Variants in ABCA2 observed in about 807,000 individuals in gnomAD.
ABCA2 encodes the protein ATP binding cassette subfamily A member 2.
In ABCA2, 84 loss-of-function variants were observed where a neutral mutation model predicts 262.8. That is an observed-to-expected ratio of 0.32 (90% CI 0.27 to 0.38). The LOEUF is 0.38. ABCA2 is among the 10% of genes least tolerant of loss of function. The pLI, the probability that ABCA2 is intolerant of heterozygous loss-of-function variation, is 1.00. For synonymous variants in ABCA2, 1,696 were observed against 1,502.9 expected (o/e 1.13, Z -2.97); for missense variants, 2,662 against 3,405.9 (o/e 0.78, Z 5.44).
Position 137,017,548 on chromosome 9 carries a change from T to C in ABCA2, c.2356A>G (p.Ile786Val), listed in dbSNP as rs753574440. 1.2e-6 allele frequency: 2 copies of C among 1,611,810 alleles called. No individual in the cohort carries two copies. The highest frequency in any genetic ancestry group is 1.7e-6 in the Non-Finnish European group (2 of 1,179,172). The change falls in exon 17 of 49, where the codon ATC becomes GTC. Residue 786 changes from isoleucine (I) to valine (V), a missense_variant. Coordinates refer to ENST00000341511, the MANE Select transcript of ABCA2 (RefSeq NM_001606.5). ...QVLMHSHVVI[I>V]WLFLAVYAVA... ...GCGTAGACTGCCAGGAAGAGCCAGA[T>C]GATGACCACGTGGCTGTGCATAAGC...
chr9:137,013,490 G>A lies in ABCA2; in HGVS notation c.4521C>T (p.Pro1507=), dbSNP rs750511784. ...ACTCGCGGCGCTCCTCGTTGGCGTA[G>A]GGGATGAAATTGCCACGGGGCTGGG... ...NYTQPRGNFI[P]YANEERREYR... The change falls in exon 29 of 49, where the codon CCC becomes CCT. Residue 1507 remains proline (P), a synonymous_variant. Transcript: ENST00000341511. 2.5e-5 allele frequency: 41 copies of A among 1,609,740 alleles called. No homozygotes were observed. The Middle Eastern group carries it at 1.7e-3, about 65-fold the overall frequency.
At chr9:137,015,917 C>G (rs781347175) in intron 22 of ABCA2, 45 bp downstream of exon 22, 1 of 1,605,116 alleles carries the variant, frequency 6.2e-7, no homozygotes. Context: ...TGCAGAGCCC[C>G]AGGGCCTCCG....
intron 40 of ABCA2, 27 bp from the exon 41 acceptor site, chr9:137,010,398 G>C (rs753176214): frequency 6.4e-7 from 1 of 1,552,120 alleles, no homozygotes; most frequent in South Asian, 1.2e-5. Context: ...CCACTCAGCG[G>C]GGCATCCTGC....
Position 137,013,968 on chromosome 9 carries a change from C to A in ABCA2, c.4311G>T (p.Val1437=), listed in dbSNP as rs758322882. 6.2e-7 allele frequency: 1 copy of A among 1,612,256 alleles called. No individual in the cohort carries two copies. Among genetic ancestry groups the A allele is most frequent in the Non-Finnish European group, 8.5e-7 (1 of 1,179,898 alleles). ...SRKLDGGWLK[V]RQFHGLLVKR... ...TGACCAGCAGCCCGTGGAACTGGCG[C>A]ACCTTCAGCCACCCGCCGTCCAGCT... Residue 1437 remains valine, a synonymous_variant, in exon 28 of 49, where the codon GTG becomes GTT. Transcript: ENST00000341511.
Position 137,022,019 on chromosome 9 carries a change from A to ACGGCTCAGATGGGGGTG in ABCA2, c.568-19_568-18insCACCCCCATCTGAGCCG. Reference sequence around the variant, plus strand: ...TGGTAGACCTAGGAGGTGTGGGGGAATGGCTCAGATGGGGTGTGGGGGGCG... The same window carrying ACGGCTCAGATGGGGGTG: ...TGGTAGACCTAGGAGGTGTGGGGGAACGGCTCAGATGGGGGTGTGGCTCAGATGGGGTGTGGGGGGCG... On this transcript the variant is annotated intron_variant, in intron 6 of 48. Coordinates refer to ENST00000341511, the MANE Select transcript of ABCA2 (RefSeq NM_001606.5). 7.5e-7 allele frequency: 1 copy of ACGGCTCAGATGGGGGTG among 1,327,836 alleles called. No homozygotes were observed. Among genetic ancestry groups the ACGGCTCAGATGGGGGTG allele is most frequent in the Non-Finnish European group, 1.0e-6 (1 of 970,880 alleles). 82.3% of individuals were successfully genotyped at this position (1,327,836 alleles called of 1,614,324 possible).
chr9:137,010,938 C>T (rs1181387424), intron 39 of ABCA2, 35 bp downstream of exon 39: 48 of 587,850 alleles, frequency 8.2e-5, no homozygotes, highest in Non-Finnish European at 1.0e-4. Flanking sequence ...TCCCTGCTCC[C>T]GCCCCGCCCC....
intron 1 of ABCA2, among the ~76,000 whole-genome samples, chr9:137,026,029 G>T (rs1038122625): frequency 2.0e-5 from 3 of 152,210 alleles, no homozygotes; most frequent in Non-Finnish European, 4.4e-5. Context: ...CCTCCCTGTA[G>T]CTCCCGCCTA....
chr9:137,019,732 T>C lies in ABCA2; in HGVS notation c.1426-426A>G. The C allele has an allele frequency of 5.0e-6, 1 of 201,542 alleles. No homozygotes were observed. The highest frequency in any genetic ancestry group is 1.0e-5 in the Non-Finnish European group (1 of 97,284). 12.5% of individuals were successfully genotyped at this position (201,542 alleles called of 1,614,324 possible). On this transcript the variant is annotated intron_variant, in intron 10 of 48. Transcript: ENST00000341511. This position sits in a 1 kb window ranked among gnomAD's most constrained non-coding sequence, Gnocchi z 4.4. ...TCCCACGCCCGGGCTCTCCACTCCTTTCTGCGGCGCTCAGGTGAAACCTGC... is the reference window on the plus strand; with the variant it reads ...TCCCACGCCCGGGCTCTCCACTCCTCTCTGCGGCGCTCAGGTGAAACCTGC...
intron 5 of ABCA2, 72 bp from the exon 6 acceptor site, chr9:137,022,550 C>T (rs1044384642): frequency 4.4e-6 from 7 of 1,576,620 alleles, no homozygotes; most frequent in South Asian, 2.3e-5. Context: ...CGCTCGGAGC[C>T]GAGCCCAACA....
chr9:137,013,375 G>GC, intron 29 of ABCA2, 57 bp from the exon 30 acceptor site: 13 of 1,328,922 alleles, frequency 9.8e-6, no homozygotes, highest in Admixed American at 6.9e-5. Context: ...CGCCAGCCCC[G>GC]CCCCCTCGCC....
At chr9:137,010,415 C>G in intron 40 of ABCA2, 44 bp from the exon 41 acceptor site, 1 of 1,541,074 alleles carries the variant, frequency 6.5e-7, no homozygotes, top group African/African-American at 1.4e-5. Context: ...CTGCCCCCAC[C>G]CTGCCCCTCT....
chr9:137,008,034 G>A, intron 48 of ABCA2, 70 bp from the exon 49 acceptor site: 1 of 1,556,294 alleles, frequency 6.4e-7, no homozygotes. Context: ...GGACACTTGT[G>A]CTGGCCCGCC....
chr9:137,015,939 C>T lies in ABCA2; in HGVS notation c.3317+23G>A, dbSNP rs772880252. The stretch of plus-strand genomic sequence containing the variant: ...CCCCAGGGCCTCCGCCCACCTGCCC[C>T]GCCCCCCGCCCAGCCCACCCACTTG... On this transcript the variant is annotated intron_variant, in intron 22 of 48. Coordinates refer to ENST00000341511, the MANE Select transcript of ABCA2 (RefSeq NM_001606.5). 188 of 682,724 alleles carry T rather than the reference C, an allele frequency of 2.8e-4. 1 individual carries two copies. Among genetic ancestry groups the T allele is most frequent in the Middle Eastern group, 4.1e-4 (1 of 2,456 alleles). The allele number at this position is 682,724 out of a possible 1,614,324, so 42.3% of individuals were successfully genotyped here. A position where few individuals can be genotyped will look rare whatever the true frequency, so the allele number is the denominator to read the frequency against.
Position 137,017,112 on chromosome 9 carries a change from T to C in ABCA2, c.2566A>G (p.Thr856Ala). ...FEKCIASLMS[T>A]TAFGLGSKYF... ...TTAGAGCCCAGACCAAAGGCCGTCG[T>C]GGACATGAGGGACTGAGAAGGCAGT... Residue 856 changes from threonine to alanine, a missense_variant, in exon 19 of 49, where the codon ACG becomes GCG. This residue lies in a region of ABCA2 where 188 missense variants were observed against 343.4 expected (regional missense o/e 0.55). Coordinates refer to ENST00000341511, the MANE Select transcript of ABCA2 (RefSeq NM_001606.5). 6.2e-7 allele frequency: 1 copy of C among 1,612,574 alleles called. No individual in the cohort carries two copies. Among genetic ancestry groups the C allele is most frequent in the Non-Finnish European group, 8.5e-7 (1 of 1,179,846 alleles).
chr9:137,010,303 G>C lies in ABCA2; in HGVS notation c.6243C>G (p.Gly2081=). Residue 2081 remains glycine (G), a synonymous_variant, in exon 41 of 49, where the codon GGC becomes GGG. Transcript: ENST00000341511. The part of the protein sequence containing the change: ...VDRLCLGVRP[G]ECFGLLGVNG... Reference sequence around the variant, plus strand: ...TGACGCCCAGGAGCCCGAAGCACTCGCCAGGACGCACACCCAGGCACAGGC... The same window carrying C: ...TGACGCCCAGGAGCCCGAAGCACTCCCCAGGACGCACACCCAGGCACAGGC... 6.3e-7 allele frequency: 1 copy of C among 1,592,564 alleles called. No individual in the cohort carries two copies. The highest frequency in any genetic ancestry group is 8.5e-7 in the Non-Finnish European group (1 of 1,170,540).
At position 137,013,558 on chromosome 9, in the gene ABCA2, G is replaced by T; in HGVS notation, c.4453C>A (p.Leu1485Met). 1 of 1,608,008 alleles carries T rather than the reference G, an allele frequency of 6.2e-7. No homozygotes were observed. Among genetic ancestry groups the T allele is most frequent in the South Asian group, 1.1e-5 (1 of 89,834 alleles). ...GAAGGTGACAGGACCAGCGGGGGCA[G>T]ATCACCTGGCAGGGCGAGCAGGGAG... ...VALSVPEIGDLPPLVLSPSQY... is the reference protein window; with the variant it reads ...VALSVPEIGDMPPLVLSPSQY... Residue 1485 changes from leucine to methionine, a missense_variant, in exon 29 of 49, where the codon CTG (leucine) becomes ATG (methionine). Coordinates refer to ENST00000341511, the MANE Select transcript of ABCA2 (RefSeq NM_001606.5).
At position 137,024,186 on chromosome 9, in the gene ABCA2, C is replaced by A. The variant is rs200765078; in HGVS notation, c.117G>T (p.Leu39=). ...IFIPLVLFFI[L]LGLRQKKPTI... Reference sequence around the variant, plus strand: ...TGGGCTTCTTCTGTCGCAGCCCCAGCAGGATAAAGAACAGCACCAGGGGGA... The same window carrying A: ...TGGGCTTCTTCTGTCGCAGCCCCAGAAGGATAAAGAACAGCACCAGGGGGA... Residue 39 remains leucine (L), a synonymous_variant, in exon 2 of 49, where the codon CTG becomes CTT. Coordinates refer to ENST00000341511, the MANE Select transcript of ABCA2 (RefSeq NM_001606.5). 1.7e-5 allele frequency: 28 copies of A among 1,612,096 alleles called. No homozygotes were observed. The highest frequency in any genetic ancestry group is 2.5e-6 in the Non-Finnish European group (3 of 1,179,586).
rs1260495927 is a variant in ABCA2, at chr9:137,020,511, G to C, written c.1266-16C>G. 1 of 1,575,162 alleles carries C rather than the reference G, an allele frequency of 6.3e-7. No homozygotes were observed. Among genetic ancestry groups the C allele is most frequent in the Admixed American group, 1.7e-5 (1 of 58,304 alleles). ...TTCAATGGTGCTGGGGTAGGGGACAGGGGGCCGGGCCAGGCCGTTAGGGGG... is the reference window on the plus strand; with the variant it reads ...TTCAATGGTGCTGGGGTAGGGGACACGGGGCCGGGCCAGGCCGTTAGGGGG... On this transcript the variant is annotated splice_polypyrimidine_tract_variant and intron_variant, in intron 9 of 48. Coordinates refer to ENST00000341511, the MANE Select transcript of ABCA2 (RefSeq NM_001606.5).
rs1831330355 is a variant in ABCA2 at position 137,018,238 on chromosome 9, G to A, written c.1933C>T (p.Arg645Trp). ...KTNEIRRAYW[R>W]PGPNTGGRFY... is the part of the protein sequence containing the mutation. Reference sequence around the variant, plus strand: ...CGGCCGCCAGTATTGGGCCCAGGCCGCCAGTAGGCGCGGCGGATCTCGTTG... The same window carrying A: ...CGGCCGCCAGTATTGGGCCCAGGCCACCAGTAGGCGCGGCGGATCTCGTTG... The change falls in exon 14 of 49, where the codon CGG (arginine) becomes TGG (tryptophan). Residue 645 changes from arginine (R) to tryptophan (W), a missense_variant. Physicochemically the swap from Arg to Trp is moderately radical, Grantham distance 101. Transcript: ENST00000341511. 6.2e-7 allele frequency: 1 copy of A among 1,611,124 alleles called. No individual in the cohort carries two copies.
Sources: gnomAD v4.1 joint callset for allele counts (sites outside exome capture counted in the v4.1 genomes callset) on GRCh38, gnomAD v4.1.1 for gene constraint, gnomAD v4.1.1 regional missense constraint, Gnocchi (gnomAD v3.1) non-coding constraint, MANE v1.5 for transcripts, NCBI Gene and HGNC (gene_info 2026-07-23, HGNC 2026-07-21) for gene names.